Variants in CSTPP1 observed in about 807,000 individuals in gnomAD.
CSTPP1 encodes UPF0705 protein C11orf49.
chr11:46,988,374 T>C, the CSTPP1 span, among the ~76,000 whole-genome samples: 2 of 152,206 alleles, frequency 1.3e-5, no homozygotes, highest in African/African-American at 4.8e-5. Flanking sequence ...GGAGTATTAT[T>C]TGGCCCTAAG....
chr11:47,093,652 T>A, the CSTPP1 span, among the ~76,000 whole-genome samples: 3 of 152,230 alleles, frequency 2.0e-5, no homozygotes, highest in Non-Finnish European at 4.4e-5. Flanking sequence ...AGTCCCAGTT[T>A]GTATACTTTT....
chr11:47,061,135 G>T, the CSTPP1 span, among the ~76,000 whole-genome samples: 1 of 151,544 alleles, frequency 6.6e-6, no homozygotes, highest in South Asian at 2.1e-4. Flanking sequence ...TGAATTCACA[G>T]TGGTTTTGTG....
the CSTPP1 span, chr11:46,936,922 G>T: frequency 2.8e-6 from 4 of 1,427,360 alleles, no homozygotes; most frequent in East Asian, 2.8e-5. Flanking sequence ...GGGAGGAGGC[G>T]GGGGCGGGGT....
the CSTPP1 span, among the ~76,000 whole-genome samples, chr11:46,961,479 G>C: frequency 6.6e-6 from 1 of 152,094 alleles, no homozygotes; most frequent in Non-Finnish European, 1.5e-5. Context: ...CTGGATACTA[G>C]ACCCTTATAG....
the CSTPP1 span, among the ~76,000 whole-genome samples, chr11:47,148,059 TAGGC>T: frequency 1.3e-5 from 2 of 152,158 alleles, no homozygotes; most frequent in African/African-American, 4.8e-5. Context: ...TTCAAGGCCC[TAGGC>T]TAGAGGCAGC....
At chr11:46,944,662 C>CTGCA in the CSTPP1 span, among the ~76,000 whole-genome samples, 2 of 152,166 alleles carry the variant, frequency 1.3e-5, no homozygotes, top group African/African-American at 4.8e-5. Flanking sequence ...AAGACTCTCA[C>CTGCA]TGCACACTGC....
the CSTPP1 span, among the ~76,000 whole-genome samples, chr11:46,955,042 A>G: frequency 6.6e-6 from 1 of 152,236 alleles, no homozygotes; most frequent in Non-Finnish European, 1.5e-5. Context: ...GGAAAAAAAC[A>G]GACAGGTACA....
chr11:46,980,003 A>G, the CSTPP1 span, among the ~76,000 whole-genome samples: 1 of 152,206 alleles, frequency 6.6e-6, no homozygotes, highest in South Asian at 2.1e-4. Flanking sequence ...TAGGCTGGAA[A>G]TACTGAGGCA....
chr11:47,038,124 C>A, the CSTPP1 span, among the ~76,000 whole-genome samples: 1 of 25,764 alleles, frequency 3.9e-5, no homozygotes, highest in Non-Finnish European at 1.2e-4. Flanking sequence ...ACCTCCCTCC[C>A]GGATGGGGCG....
chr11:47,112,128 T>C, the CSTPP1 span, among the ~76,000 whole-genome samples: 1 of 152,156 alleles, frequency 6.6e-6, no homozygotes, highest in Non-Finnish European at 1.5e-5. Context: ...AGTTACTCCT[T>C]AACCCCTTCA....
the CSTPP1 span, among the ~76,000 whole-genome samples, chr11:47,036,186 AT>A: frequency 5.5e-5 from 3 of 54,412 alleles, no homozygotes; most frequent in African/African-American, 1.8e-4. Flanking sequence ...ATAAATATAT[AT>A]TTATATTATA....
At chr11:47,149,758 G>A in the CSTPP1 span, among the ~76,000 whole-genome samples, 4 of 152,040 alleles carry the variant, frequency 2.6e-5, no homozygotes, top group African/African-American at 7.2e-5. Flanking sequence ...ATAGACCTCT[G>A]AACATCAAAC....
chr11:47,075,894 C>T, the CSTPP1 span, among the ~76,000 whole-genome samples: 1 of 137,324 alleles, frequency 7.3e-6, no homozygotes, highest in South Asian at 2.3e-4. Flanking sequence ...CCACTGTACT[C>T]CAGGCCTGGG....
chr11:47,077,119 G>A, the CSTPP1 span, among the ~76,000 whole-genome samples: 1 of 148,502 alleles, frequency 6.7e-6, no homozygotes, highest in Non-Finnish European at 1.5e-5. Flanking sequence ...AATGCTTTTA[G>A]AATTCTAAGA....
the CSTPP1 span, among the ~76,000 whole-genome samples, chr11:47,059,430 A>G: frequency 8.5e-5 from 13 of 152,338 alleles, no homozygotes; most frequent in South Asian, 2.5e-3. Flanking sequence ...AGAGCCACAC[A>G]TAAGATTCCA....
chr11:47,157,102 G>A, the CSTPP1 span: 57 of 1,614,038 alleles, frequency 3.5e-5, 1 homozygote, highest in Admixed American at 3.7e-4. Flanking sequence ...TGCCGACGTC[G>A]TCCAGTGGGC....
the CSTPP1 span, among the ~76,000 whole-genome samples, chr11:47,054,417 T>A: frequency 6.6e-6 from 1 of 151,284 alleles, no homozygotes; most frequent in Non-Finnish European, 1.5e-5. Flanking sequence ...GCTCAAGTGA[T>A]CTTCCTAACT....
At chr11:47,131,201 C>T in the CSTPP1 span, among the ~76,000 whole-genome samples, 1 of 152,188 alleles carries the variant, frequency 6.6e-6, no homozygotes, top group Admixed American at 6.6e-5. Flanking sequence ...TTCCATCTGG[C>T]ACTCCTCCAT....
the CSTPP1 span, among the ~76,000 whole-genome samples, chr11:47,014,549 C>T: frequency 1.3e-5 from 2 of 151,774 alleles, no homozygotes; most frequent in Non-Finnish European, 2.9e-5. Flanking sequence ...ACTAAAAATA[C>T]AAAATTAGCC....
Sources: gnomAD v4.1 joint callset for allele counts (sites outside exome capture counted in the v4.1 genomes callset) on GRCh38, gnomAD v4.1.1 for gene constraint, MANE v1.5 for transcripts, NCBI Gene and HGNC (gene_info 2026-07-23, HGNC 2026-07-21) for gene names.